ZNF133: variants seen among roughly 807,000 people sequenced by gnomAD.
ZNF133 encodes the protein zinc finger protein 133, also known as zinc finger protein 133 (clone pHZ-13).
Under a neutral mutation model 54.9 loss-of-function variants are expected in ZNF133, and 26 were observed. The observed-to-expected ratio is 0.47, with a 90% CI of 0.35 to 0.66. ZNF133 has a LOEUF of 0.66. Ranked by LOEUF, ZNF133 falls within the 30% of genes least tolerant of loss-of-function variation. The pLI is 0.01. For synonymous variants in ZNF133, 298 were observed against 320.3 expected (o/e 0.93, Z 0.74); for missense variants, 653 against 820.8 (o/e 0.80, Z 2.50).
At chr20:18,312,361 C>A (rs955765948) in intron 6 of ZNF133, among the ~76,000 whole-genome samples, 1 of 152,156 alleles carries the variant, frequency 6.6e-6, no homozygotes, top group Non-Finnish European at 1.5e-5. Context: ...TTGAGAAAGC[C>A]TACATATCAG....
At chr20:18,306,501 T>C in intron 6 of ZNF133, 108 bp downstream of exon 6, 1 of 1,139,554 alleles carries the variant, frequency 8.8e-7, no homozygotes, top group African/African-American at 1.6e-5. Flanking sequence ...TCCCCTGACC[T>C]CCTGGGCTGC....
intron 3 of ZNF133, among the ~76,000 whole-genome samples, chr20:18,304,197 A>G (rs2044080675): frequency 6.6e-6 from 1 of 151,026 alleles, no homozygotes; most frequent in Non-Finnish European, 1.5e-5. Flanking sequence ...GAAGACCACA[A>G]TGAGATACCA....
chr20:18,316,354 A>C lies in ZNF133; in HGVS notation c.1503A>C (p.Arg501=), dbSNP rs745899203. 1.9e-5 allele frequency: 31 copies of C among 1,612,836 alleles called. No individual in the cohort carries two copies. The highest frequency in any genetic ancestry group is 2.5e-5 in the Non-Finnish European group (29 of 1,179,640). Residue 501 remains arginine, a synonymous_variant, in exon 7 of 7, where the codon CGA becomes CGC. Coordinates refer to ENST00000425686, the MANE Select transcript of ZNF133 (RefSeq NM_001352452.2). ...EKPMVCGECG[R]GFSQKSNLVA... The stretch of plus-strand genomic sequence containing the variant: ...CCATGGTGTGTGGGGAGTGCGGGCG[A>C]GGCTTCAGCCAGAAGTCAAACCTTG...
At chr20:18,310,430 AT>A (rs2045631390) in intron 6 of ZNF133, 4 of 1,034,416 alleles carry the variant, frequency 3.9e-6, no homozygotes, top group South Asian at 4.1e-5. Context: ...CGGCTGTTTC[AT>A]TAATCAGAAT....
rs1317857921 is a variant in ZNF133 at position 18,305,168 on chromosome 20, A to G, written c.-17A>G. 11 of 988,526 alleles carry G rather than the reference A, an allele frequency of 1.1e-5. No homozygotes were observed. Among genetic ancestry groups the G allele is most frequent in the South Asian group, 4.6e-5 (1 of 21,524 alleles). 61.2% of individuals were successfully genotyped at this position (988,526 alleles called of 1,614,324 possible). A position where few individuals can be genotyped will look rare whatever the true frequency, so the allele number is the denominator to read the frequency against. On this transcript the variant is annotated 5_prime_UTR_variant, in exon 4 of 7. Transcript: ENST00000425686. The surrounding 1 kb of genome is among the most constrained non-coding windows in gnomAD (Gnocchi z 4.7). Reference sequence around the variant, plus strand: ...CTGGAAGTTTAATGAACTGTTTTCTACATTTCACAGGTAAGAAAACTGGGA... The same window carrying G: ...CTGGAAGTTTAATGAACTGTTTTCTGCATTTCACAGGTAAGAAAACTGGGA...
chr20:18,306,205 ACCTTTGAAGTTT>A, intron 5 of ZNF133, 81 bp from the exon 6 acceptor site: 1 of 1,223,466 alleles, frequency 8.2e-7, no homozygotes, highest in Non-Finnish European at 1.2e-6. Flanking sequence ...GCTTTGTACT[ACCTTTGAAGTTT>A]CCTAGGCTGT....
intron 6 of ZNF133, among the ~76,000 whole-genome samples, chr20:18,310,011 C>A (rs769078861): frequency 6.6e-6 from 1 of 152,118 alleles, no homozygotes; most frequent in South Asian, 2.1e-4. Context: ...TGCTATACAC[C>A]CTGACCTTTG....
At chr20:18,312,616 A>C (rs73119936) in intron 6 of ZNF133, 1 of 152,220 alleles carries the variant, frequency 6.6e-6, no homozygotes, top group Non-Finnish European at 1.5e-5. Context: ...ATTCACAGCT[A>C]AACTTTTTTC....
At position 18,315,432 on chromosome 20, in the gene ZNF133, G is replaced by C. The variant is rs2228273; in HGVS notation, c.581G>C (p.Gly194Ala). The change falls in exon 7 of 7, where the codon GGG (glycine) becomes GCG (alanine). Residue 194 changes from glycine to alanine, a missense_variant. This residue lies in a region of ZNF133 where 227 missense variants were observed against 233.9 expected (regional missense o/e 0.97). Transcript: ENST00000425686. ...VELEASPAQSGNPEETDKLLK... is the reference protein window; with the variant it reads ...VELEASPAQSANPEETDKLLK... ...TTAGAAGCCAGCCCAGCTCAGTCAGGGAACCCTGAGGAAACAGACAAATTG... is the reference window on the plus strand; with the variant it reads ...TTAGAAGCCAGCCCAGCTCAGTCAGCGAACCCTGAGGAAACAGACAAATTG... 9.9e-6 allele frequency: 16 copies of C among 1,614,102 alleles called. No homozygotes were observed. The African/African-American group carries it at 1.9e-4, about 19-fold the overall frequency.
At position 18,315,372 on chromosome 20, in the gene ZNF133, C is replaced by T; in HGVS notation, c.521C>T (p.Pro174Leu). The change falls in exon 7 of 7, where the codon CCA becomes CTA. Residue 174 changes from proline to leucine, a missense_variant. Around this residue, in one of 4 missense-constraint regions of ZNF133, gnomAD observed 227 missense variants for 233.9 expected, o/e 0.97. Transcript: ENST00000425686. ...TTCTCCAGGCCACCCCAGAGGCAGC[C>T]AGTCAGCTCTCGGAACGGCCTCAGA... is the stretch of plus-strand genomic sequence containing the variant. ...GAFSRPPQRQ[P>L]VSSRNGLRGV... The T allele has an allele frequency of 6.2e-7, 1 of 1,614,188 alleles. No homozygotes were observed. Among genetic ancestry groups the T allele is most frequent in the Non-Finnish European group, 8.5e-7 (1 of 1,180,026 alleles).
chr20:18,313,856 T>C (rs535299192), intron 6 of ZNF133: 3 of 152,438 alleles, frequency 2.0e-5, no homozygotes, highest in Admixed American at 1.3e-4. Context: ...AGAGCAGGCT[T>C]TCTCTGCAGG....
At chr20:18,298,848 T>A (rs2042760751) in intron 3 of ZNF133, among the ~76,000 whole-genome samples, 1 of 152,100 alleles carries the variant, frequency 6.6e-6, no homozygotes, top group Non-Finnish European at 1.5e-5. Flanking sequence ...TATGGGGGAA[T>A]GTAGAAGGTA....
At chr20:18,312,282 G>T (rs2046248267) in intron 6 of ZNF133, among the ~76,000 whole-genome samples, 1 of 152,134 alleles carries the variant, frequency 6.6e-6, no homozygotes, top group Non-Finnish European at 1.5e-5. Context: ...TTCAGATTTT[G>T]GAACTTTGCA....
In ZNF133 at chr20:18,316,732, C is replaced by T; in HGVS notation, c.1881C>T (p.Thr627=). 6.2e-7 allele frequency: 1 copy of T among 1,614,094 alleles called. No homozygotes were observed. Among genetic ancestry groups the T allele is most frequent in the East Asian group, 2.2e-5 (1 of 44,868 alleles). ...CTCACCTCAGCAGACACAGGAAGACCACGTCTGTCCACCACAGACTGCCAG... is the reference window on the plus strand; with the variant it reads ...CTCACCTCAGCAGACACAGGAAGACTACGTCTGTCCACCACAGACTGCCAG... ...LKSHLSRHRK[T]TSVHHRLPVQ... is the part of the protein sequence containing the mutation. Residue 627 remains threonine (T), a synonymous_variant, in exon 7 of 7, where the codon ACC becomes ACT. Transcript: ENST00000425686.
In ZNF133 at chr20:18,316,790, C is replaced by A. The variant is rs1600633380; in HGVS notation, c.1939C>A (p.Pro647Thr). 1 of 1,612,566 alleles carries A rather than the reference C, an allele frequency of 6.2e-7. No individual in the cohort carries two copies. Among genetic ancestry groups the A allele is most frequent in the Non-Finnish European group, 8.5e-7 (1 of 1,179,172 alleles). ...QPDPEPCAGQ[P>T]SDSLYSL ...CGACCCTGAGCCGTGTGCAGGGCAA[C>A]CTTCGGATTCCTTATACTCTCTCTG... The change falls in exon 7 of 7, where the codon CCT becomes ACT. Residue 647 changes from proline to threonine, a missense_variant. This residue lies in a region of ZNF133 where 129 missense variants were observed against 138.5 expected (regional missense o/e 0.93). Transcript: ENST00000425686.
At chr20:18,302,379 G>T (rs2043552150) in intron 3 of ZNF133, among the ~76,000 whole-genome samples, 1 of 149,074 alleles carries the variant, frequency 6.7e-6, no homozygotes, top group African/African-American at 2.5e-5. Context: ...CTCCAGCCTG[G>T]GTGACAAGAG....
chr20:18,291,630 G>C (rs764082080), intron 1 of ZNF133, among the ~76,000 whole-genome samples: 9 of 151,740 alleles, frequency 5.9e-5, no homozygotes, highest in Admixed American at 5.2e-4. Flanking sequence ...AATGCCATCT[G>C]TCTGAGGCTC....
At chr20:18,300,400 C>T (rs773911306) in intron 3 of ZNF133, among the ~76,000 whole-genome samples, 1 of 151,938 alleles carries the variant, frequency 6.6e-6, no homozygotes, top group Non-Finnish European at 1.5e-5. Context: ...AAAAAAAGGA[C>T]AGTAATACAG....
intron 1 of ZNF133, 40 bp downstream of exon 1, chr20:18,288,644 C>G (rs1008975270): frequency 1.3e-5 from 5 of 398,466 alleles, no homozygotes; most frequent in Non-Finnish European, 1.8e-5. Flanking sequence ...GCAGCCGTAC[C>G]CTTTTCTGCG....
Sources: gnomAD v4.1 joint callset for allele counts (sites outside exome capture counted in the v4.1 genomes callset) on GRCh38, gnomAD v4.1.1 for gene constraint, gnomAD v4.1.1 regional missense constraint, Gnocchi (gnomAD v3.1) non-coding constraint, MANE v1.5 for transcripts, NCBI Gene and HGNC (gene_info 2026-07-23, HGNC 2026-07-21) for gene names.